The following DGKE variants were observed in gnomAD, a reference collection of about 807,000 sequenced individuals.
The protein encoded by DGKE is DAG kinase epsilon.
A neutral mutation model predicts 70.0 loss-of-function variants in DGKE; 53 were observed. The observed-to-expected ratio is 0.76, with a 90% confidence interval of 0.61 to 0.95. The LOEUF is 0.95. Among genes scored for constraint, DGKE ranks in the 40% least tolerant of loss-of-function variants. The pLI is 0.00. For missense variants in DGKE, 655 were observed against 706.9 expected, an observed-to-expected ratio of 0.93 and a Z score of 0.83; for synonymous variants, 291 against 257.0, an observed-to-expected ratio of 1.13 and a Z score of -1.27.
Position 56,844,102 on chromosome 17 carries a change from A to C in DGKE, c.548A>C (p.Lys183Thr). 1 of 1,586,954 alleles carries C rather than the reference A, an allele frequency of 6.3e-7. No homozygotes were observed. The highest frequency in any genetic ancestry group is 8.5e-7 in the Non-Finnish European group (1 of 1,170,394). ...KNEKCDFGEF[K>T]NLIIPPSYLT... Reference sequence around the variant, plus strand: ...GAAAAATGTGATTTTGGAGAATTCAAAAACCTAATCATTCCACCAAGTTAT... The same window carrying C: ...GAAAAATGTGATTTTGGAGAATTCACAAACCTAATCATTCCACCAAGTTAT... Residue 183 changes from lysine (K) to threonine (T), a missense_variant, in exon 3 of 12, where the codon AAA becomes ACA. Coordinates refer to ENST00000284061, the MANE Select transcript of DGKE (RefSeq NM_003647.3).
intron 2 of DGKE, among the ~76,000 whole-genome samples, chr17:56,837,069 A>G (rs1906673536): frequency 1.3e-5 from 2 of 152,228 alleles, no homozygotes; most frequent in Admixed American, 1.3e-4. Flanking sequence ...TCCCTAGACC[A>G]GCAGCATCAG....
intron 3 of DGKE, among the ~76,000 whole-genome samples, chr17:56,844,844 A>G (rs1288377807): frequency 6.6e-6 from 1 of 152,142 alleles, no homozygotes; most frequent in Non-Finnish European, 1.5e-5. Context: ...TTAAGGAAAC[A>G]TCATAAAAAT....
At position 56,864,692 on chromosome 17, in the gene DGKE, C is replaced by T. The variant is rs1908461087; in HGVS notation, c.*1901C>T. The T allele has an allele frequency of 6.6e-6, 1 of 150,732 alleles. No homozygotes were observed. Among genetic ancestry groups the T allele is most frequent in the East Asian group, 2.0e-4 (1 of 5,002 alleles). 9.3% of individuals were successfully genotyped at this position (150,732 alleles called of 1,614,324 possible). On this transcript the variant is annotated 3_prime_UTR_variant, in exon 12 of 12. Transcript: ENST00000284061. ...TTAAAGACATCACATTTTATAAATA[C>T]ACTGTTAAATCCACTTTGCTGTAGG...
At chr17:56,859,487 T>G (rs1206039572) in intron 9 of DGKE, among the ~76,000 whole-genome samples, 1 of 150,852 alleles carries the variant, frequency 6.6e-6, no homozygotes, top group Non-Finnish European at 1.5e-5. Context: ...TGGTGCGATC[T>G]CCGCTCACTG....
rs758711515 is a variant in DGKE at position 56,834,749 on chromosome 17, G to C, written c.-18-29G>C. On this transcript the variant is annotated intron_variant, in intron 1 of 11. Coordinates refer to ENST00000284061, the MANE Select transcript of DGKE (RefSeq NM_003647.3). ...GGCGGGGAAGGGATGGCGAGCTCGGGGTGCACCGCCTGTTTCTTTTCTGGT... is the reference window on the plus strand; with the variant it reads ...GGCGGGGAAGGGATGGCGAGCTCGGCGTGCACCGCCTGTTTCTTTTCTGGT... 3 of 1,530,752 alleles carry C rather than the reference G, an allele frequency of 2.0e-6. No individual in the cohort carries two copies. In the East Asian group the frequency reaches 6.8e-5, roughly 35 times the overall value. The allele number at this position is 1,530,752 out of a possible 1,614,324, so 94.8% of individuals were successfully genotyped here. A position where few individuals can be genotyped will look rare whatever the true frequency, so the allele number is the denominator to read the frequency against.
intron 7 of DGKE, 97 bp from the exon 8 acceptor site, chr17:56,856,415 A>G: frequency 7.5e-7 from 1 of 1,336,556 alleles, no homozygotes; most frequent in Non-Finnish European, 1.0e-6. Context: ...AAGCATCTCC[A>G]TTGTCAAAAG....
chr17:56,861,295 G>T (rs891541638), intron 9 of DGKE, among the ~76,000 whole-genome samples: 11 of 152,168 alleles, frequency 7.2e-5, no homozygotes, highest in Admixed American at 2.6e-4. Flanking sequence ...CTCTTTCCTG[G>T]TAAGTACATT....
intron 2 of DGKE, chr17:56,838,748 A>G (rs1019085738): frequency 3.9e-5 from 6 of 152,152 alleles, no homozygotes; most frequent in African/African-American, 1.4e-4. Context: ...CCATATTTTC[A>G]TATGAAGGAA....
chr17:56,848,590 G>T, intron 5 of DGKE, 106 bp from the exon 6 acceptor site: 17 of 1,124,696 alleles, frequency 1.5e-5, no homozygotes, highest in Non-Finnish European at 2.2e-5. Context: ...ACATACAGTT[G>T]TTATATTTGT....
At chr17:56,853,032 AT>A (rs1158885907) in intron 7 of DGKE, among the ~76,000 whole-genome samples, 1 of 152,182 alleles carries the variant, frequency 6.6e-6, no homozygotes, top group Non-Finnish European at 1.5e-5. Context: ...ATTTGGGGAC[AT>A]TTCAGATTTC....
chr17:56,855,818 A>C (rs1394679596), intron 7 of DGKE, among the ~76,000 whole-genome samples: 1 of 152,126 alleles, frequency 6.6e-6, no homozygotes, highest in Non-Finnish European at 1.5e-5. Flanking sequence ...AGCCTGGCCA[A>C]CATGGTGAAA....
intron 9 of DGKE, among the ~76,000 whole-genome samples, chr17:56,861,482 AAAG>A (rs1399144675): frequency 3.3e-5 from 5 of 152,164 alleles, no homozygotes; most frequent in Admixed American, 2.0e-4. Context: ...AAGCAAAGGG[AAAG>A]AAGATTTTAG....
At position 56,848,032 on chromosome 17, in the gene DGKE, G is replaced by A; in HGVS notation, c.855G>A (p.Trp285Ter). ...GTGGAGGGGATGGGACTGTAGGGTGGGTCCTGGATGCAGTTGATGACATGA... is the reference window on the plus strand; with the variant it reads ...GTGGAGGGGATGGGACTGTAGGGTGAGTCCTGGATGCAGTTGATGACATGA... ...LVCGGDGTVG[W>*]VLDAVDDMKI... is the part of the protein sequence containing the mutation. The change falls in exon 5 of 12, where the codon TGG (tryptophan) becomes TGA (stop). Residue 285 changes from tryptophan (W) to a stop codon, truncating the protein, a stop_gained. Coordinates refer to ENST00000284061, the MANE Select transcript of DGKE (RefSeq NM_003647.3). LOFTEE classifies it high-confidence loss of function. 4 of 1,583,534 alleles carry A rather than the reference G, an allele frequency of 2.5e-6. No homozygotes were observed. The highest frequency in any genetic ancestry group is 3.4e-6 in the Non-Finnish European group (4 of 1,165,474).
At chr17:56,837,405 G>A (rs1906698502) in intron 2 of DGKE, among the ~76,000 whole-genome samples, 1 of 152,156 alleles carries the variant, frequency 6.6e-6, no homozygotes, top group Non-Finnish European at 1.5e-5. Context: ...TGAGCACACT[G>A]AATCTGTGTG....
At chr17:56,845,511 ATTAG>A (rs1567813760) in intron 3 of DGKE, among the ~76,000 whole-genome samples, 175 bp from the exon 4 acceptor site, 1 of 152,176 alleles carries the variant, frequency 6.6e-6, no homozygotes, top group Non-Finnish European at 1.5e-5. Context: ...GGGAGCTTAA[ATTAG>A]TTAATTTCTG....
rs1340752950 is a variant in DGKE, at chr17:56,863,140, A to G, written c.*349A>G. 5.9e-6 allele frequency: 1 copy of G among 168,368 alleles called. No individual in the cohort carries two copies. The highest frequency in any genetic ancestry group is 1.3e-5 in the Non-Finnish European group (1 of 79,262). 10.4% of individuals were successfully genotyped at this position (168,368 alleles called of 1,614,324 possible). ...TTTGAACCATGCATATGATGGACAC[A>G]CAATGGATGGACACATTATATCTCC... On this transcript the variant is annotated 3_prime_UTR_variant, in exon 12 of 12. Transcript: ENST00000284061.
intron 9 of DGKE, among the ~76,000 whole-genome samples, chr17:56,860,339 C>T (rs1567823845): frequency 6.6e-6 from 1 of 152,054 alleles, no homozygotes; most frequent in East Asian, 1.9e-4. Flanking sequence ...GGAGACTAGC[C>T]TGGGCAACAT....
chr17:56,860,276 G>T (rs1036623523), intron 9 of DGKE, among the ~76,000 whole-genome samples: 6 of 152,216 alleles, frequency 3.9e-5, no homozygotes, highest in African/African-American at 1.4e-4. Context: ...AGTGGCTCAT[G>T]CCTGTAATCC....
intron 4 of DGKE, among the ~76,000 whole-genome samples, chr17:56,846,883 A>C (rs1297925730): frequency 6.6e-6 from 1 of 152,196 alleles, no homozygotes; most frequent in Non-Finnish European, 1.5e-5. Flanking sequence ...AATAATCTAG[A>C]TACAAATTTG....
Sources: allele counts gnomAD v4.1 joint callset (sites outside exome capture counted in the v4.1 genomes callset), GRCh38; gene constraint gnomAD v4.1.1; transcripts MANE v1.5; gene names NCBI Gene and HGNC (gene_info 2026-07-23, HGNC 2026-07-21).